Variants in NINJ2 observed in about 807,000 individuals in gnomAD.
The protein encoded by NINJ2 is ninjurin-2.
NINJ2 carries 12 observed loss-of-function variants against 11.7 expected under a neutral mutation model. The ratio of observed to expected loss-of-function variants is 1.02; its 90% confidence interval spans 0.66 to 1.66. The LOEUF (loss-of-function observed/expected upper bound fraction) is 1.66, where lower values mean the gene tolerates loss of function less well. NINJ2 is among the 40% of genes most tolerant of loss of function. The pLI is 0.00. For missense variants in NINJ2, 187 were observed against 181.8 expected (o/e 1.03, Z -0.16); for synonymous variants, 93 against 76.8 (o/e 1.21, Z -1.10).
intron 1 of NINJ2, among the ~76,000 whole-genome samples, chr12:613,222 G>C (rs1948055009): frequency 2.0e-5 from 3 of 152,188 alleles, no homozygotes; most frequent in Admixed American, 6.5e-5. Context: ...GTCAAATCAA[G>C]CATATCTGCG....
intron 1 of NINJ2, among the ~76,000 whole-genome samples, chr12:575,931 G>C (rs1947451410): frequency 6.6e-6 from 1 of 152,100 alleles, no homozygotes; most frequent in Non-Finnish European, 1.5e-5. Flanking sequence ...GAATGACTGG[G>C]GCTGGAAGCT....
chr12:626,437 T>C (rs1484505327), intron 1 of NINJ2, among the ~76,000 whole-genome samples: 1 of 152,238 alleles, frequency 6.6e-6, no homozygotes, highest in Non-Finnish European at 1.5e-5. Flanking sequence ...TAAGAAACTT[T>C]GGACATTCTC....
intron 1 of NINJ2, among the ~76,000 whole-genome samples, chr12:626,538 G>A (rs1948211992): frequency 6.6e-6 from 1 of 152,176 alleles, no homozygotes; most frequent in African/African-American, 2.4e-5. Context: ...AGGCATTGAT[G>A]CACTAAGTGC....
intron 1 of NINJ2, among the ~76,000 whole-genome samples, chr12:613,738 T>C (rs1208347006): frequency 6.6e-6 from 1 of 151,748 alleles, no homozygotes; most frequent in Non-Finnish European, 1.5e-5. Flanking sequence ...ACCCCGTCTC[T>C]ACTAAAAATT....
At chr12:626,329 C>G (rs761115427) in intron 1 of NINJ2, among the ~76,000 whole-genome samples, 10 of 152,216 alleles carry the variant, frequency 6.6e-5, no homozygotes, top group Non-Finnish European at 1.3e-4. Flanking sequence ...GAAAAAAGAG[C>G]TGCGTTAGTG....
At chr12:595,038 G>T (rs964023422) in intron 1 of NINJ2, among the ~76,000 whole-genome samples, 4 of 152,068 alleles carry the variant, frequency 2.6e-5, no homozygotes, top group Non-Finnish European at 5.9e-5. Flanking sequence ...CACATAAATA[G>T]AGTCAACTGA....
rs1477040448 is a variant in NINJ2, at chr12:609,039, C to T, written c.34-42861G>A. The stretch of plus-strand genomic sequence containing the variant: ...CCACGCTAGGGGCTGTACGCACGCA[C>T]GGCGCCACGCGCTAGGGGCTGAACG... On this transcript the variant is annotated intron_variant, in intron 1 of 3. Coordinates refer to ENST00000305108, the MANE Select transcript of NINJ2 (RefSeq NM_016533.6). Among the ~76,000 whole-genome samples, 2 of 151,206 alleles carry T rather than the reference C, an allele frequency of 1.3e-5. 1 individual carries two copies. Among genetic ancestry groups the T allele is most frequent in the South Asian group, 4.2e-4 (2 of 4,776 alleles).
At chr12:576,829 C>T (rs1406139075) in intron 1 of NINJ2, among the ~76,000 whole-genome samples, 1 of 152,166 alleles carries the variant, frequency 6.6e-6, no homozygotes, top group African/African-American at 2.4e-5. Context: ...CCACCCTAAA[C>T]AAGAGCACTT....
intron 1 of NINJ2, among the ~76,000 whole-genome samples, chr12:573,189 C>G (rs1218235823): frequency 6.6e-6 from 1 of 152,104 alleles, no homozygotes; most frequent in East Asian, 1.9e-4. Context: ...CCACACCCAG[C>G]TAATTTTTCT....
rs1947562111 is a variant in NINJ2 at position 581,971 on chromosome 12, C to G, written c.34-15793G>C. ...AGGGATTCCAATCCACAGCCTCTCC[C>G]TGGCTCCCTGCACTGACCCCATGTG... On this transcript the variant is annotated intron_variant, in intron 1 of 3. Transcript: ENST00000305108. The surrounding 1 kb of genome is among the most constrained non-coding windows in gnomAD (Gnocchi z 4.9). 6.6e-6 allele frequency among the ~76,000 whole-genome samples: 1 copy of G among 152,234 alleles called. No homozygotes were observed.
rs143065703 is a variant in NINJ2, at chr12:651,901, G to C, written c.33+11427C>G. Among the ~76,000 whole-genome samples, 80 of 152,278 alleles carry C rather than the reference G, an allele frequency of 5.3e-4. 3 individuals carry two copies. The East Asian group carries it at 0.014, about 26-fold the overall frequency. ...TCATAGAAGGCCCCTACATGGAAAA[G>C]CAAAGAGACAAAGGCTGAGAAAAAT... On this transcript the variant is annotated intron_variant, in intron 1 of 3. Transcript: ENST00000305108.
chr12:632,973 T>G (rs1239577654), intron 1 of NINJ2, among the ~76,000 whole-genome samples: 1 of 152,174 alleles, frequency 6.6e-6, no homozygotes, highest in Non-Finnish European at 1.5e-5. Flanking sequence ...TGGGCCGGGT[T>G]GAGCTTGGGC....
intron 1 of NINJ2, among the ~76,000 whole-genome samples, chr12:659,671 G>A (rs1043281910): frequency 4.6e-5 from 7 of 152,324 alleles, no homozygotes; most frequent in East Asian, 3.9e-4. Flanking sequence ...CTGTGCTGCT[G>A]CTACCCATCC....
rs141556007 is a variant in NINJ2, at chr12:565,381, C to A, written c.283G>T (p.Val95Leu). 24 of 1,614,020 alleles carry A rather than the reference C, an allele frequency of 1.5e-5. No individual in the cohort carries two copies. The highest frequency in any genetic ancestry group is 1.8e-5 in the Non-Finnish European group (21 of 1,180,030). The part of the protein sequence containing the change: ...VVIARLNLNE[V>L]EKQWRLNQLN... ...TGGTTGAGTCGCCACTGCTTTTCTA[C>A]CTCATTCAGGTTCAGCCGTGCTGCA... is the stretch of plus-strand genomic sequence containing the variant. Residue 95 changes from valine to leucine, a missense_variant, in exon 3 of 4, where the codon GTA becomes TTA. Coordinates refer to ENST00000305108, the MANE Select transcript of NINJ2 (RefSeq NM_016533.6).
intron 1 of NINJ2, among the ~76,000 whole-genome samples, chr12:649,589 C>T (rs1225713350): frequency 7.0e-6 from 1 of 142,860 alleles, no homozygotes; most frequent in East Asian, 2.1e-4. Flanking sequence ...CATATAGGCA[C>T]ACCTGCTTCT....
At position 633,240 on chromosome 12, in the gene NINJ2, G is replaced by A. The variant is rs560992714; in HGVS notation, c.33+30088C>T. Among the ~76,000 whole-genome samples the A allele has an allele frequency of 6.6e-6, 1 of 152,170 alleles. No individual in the cohort carries two copies. The highest frequency in any genetic ancestry group is 2.1e-4 in the South Asian group (1 of 4,818). On this transcript the variant is annotated intron_variant, in intron 1 of 3. Coordinates refer to ENST00000305108, the MANE Select transcript of NINJ2 (RefSeq NM_016533.6). The surrounding 1 kb of genome is among the most constrained non-coding windows in gnomAD (Gnocchi z 4.3). ...AGGCCGGGCGCGGTGGCTCACACCTGTAATCCTAGCTCTTTGGGAGGCCGA... is the reference window on the plus strand; with the variant it reads ...AGGCCGGGCGCGGTGGCTCACACCTATAATCCTAGCTCTTTGGGAGGCCGA...
rs564998526 is a variant in NINJ2 at position 613,831 on chromosome 12, G to A, written c.34-47653C>T. On this transcript the variant is annotated intron_variant, in intron 1 of 3. Transcript: ENST00000305108. ...GAGGCAGGAGAATGGCGTGAACCCA[G>A]GAGATGGAGCTTGCAGTGAGCCGAG... 2.1e-3 allele frequency among the ~76,000 whole-genome samples: 320 copies of A among 152,304 alleles called. 3 individuals carry two copies. Among genetic ancestry groups the A allele is most frequent in the Admixed American group, 0.018 (270 of 15,292 alleles).
intron 1 of NINJ2, among the ~76,000 whole-genome samples, chr12:587,024 T>C (rs1177801137): frequency 1.3e-5 from 2 of 152,208 alleles, no homozygotes; most frequent in Non-Finnish European, 2.9e-5. Flanking sequence ...GAGGGGTTCA[T>C]ACCAATATCT....
chr12:622,968 ATCTAAGCTTTT>A (rs1421845943), intron 1 of NINJ2, among the ~76,000 whole-genome samples: 2 of 152,076 alleles, frequency 1.3e-5, no homozygotes, highest in East Asian at 1.9e-4. Flanking sequence ...TTGTCCATAG[ATCTAAGCTTTT>A]TCTAAAAGTC....
Sources: allele counts gnomAD v4.1 joint callset (sites outside exome capture counted in the v4.1 genomes callset), GRCh38; gene constraint gnomAD v4.1.1; non-coding constraint Gnocchi (gnomAD v3.1); transcripts MANE v1.5; gene names NCBI Gene and HGNC (gene_info 2026-07-23, HGNC 2026-07-21).